The following NUP98 variants were observed in gnomAD, a reference collection of about 807,000 sequenced individuals.
The protein encoded by NUP98 is nucleoporin 98 and 96 precursor, also known as nuclear pore complex protein Nup98-Nup96.
NUP98 carries 26 observed loss-of-function variants against 191.9 expected under a neutral mutation model. The observed-to-expected ratio is 0.14, with a 90% confidence interval of 0.10 to 0.19. The LOEUF (loss-of-function observed/expected upper bound fraction) is 0.19, where lower values mean the gene tolerates loss of function less well. NUP98 is among the 10% of genes least tolerant of loss of function. NUP98 has a pLI of 1.00. For synonymous variants in NUP98, 808 were observed against 778.4 expected (o/e 1.04, Z -0.63); for missense variants, 1,941 against 2,178.8 (o/e 0.89, Z 2.17).
intron 26 of NUP98, among the ~76,000 whole-genome samples, chr11:3,693,819 AT>A (rs1198624942): frequency 6.6e-6 from 1 of 152,240 alleles, no homozygotes; most frequent in Non-Finnish European, 1.5e-5. Flanking sequence ...GACCAGCTAC[AT>A]TTTTATTTCT....
intron 20 of NUP98, chr11:3,712,049 A>C (rs1025389487): frequency 1.8e-5 from 19 of 1,049,508 alleles, no homozygotes; most frequent in Non-Finnish European, 3.5e-6. Flanking sequence ...TACATTCCCA[A>C]ACTATTTTTC....
At chr11:3,701,550 C>A (rs532591460) in intron 23 of NUP98, among the ~76,000 whole-genome samples, 45 of 152,084 alleles carry the variant, frequency 3.0e-4, no homozygotes, top group African/African-American at 1.1e-3. Context: ...TACCCGGCCC[C>A]TTGATCTAAT....
chr11:3,749,310 G>A (rs1371842797), intron 11 of NUP98, among the ~76,000 whole-genome samples: 4 of 143,758 alleles, frequency 2.8e-5, no homozygotes, highest in Non-Finnish European at 3.0e-5. Context: ...GCGAGACTCC[G>A]TCTCAAAAAA....
intron 1 of NUP98, among the ~76,000 whole-genome samples, chr11:3,787,654 G>A (rs1324016617): frequency 6.6e-6 from 1 of 151,474 alleles, no homozygotes; most frequent in East Asian, 2.0e-4. Context: ...AGCCTCACCT[G>A]CTTTCACAAG....
chr11:3,731,217 T>TCATG (rs1253790522), intron 14 of NUP98, among the ~76,000 whole-genome samples, 174 bp downstream of exon 14: 2 of 152,184 alleles, frequency 1.3e-5, no homozygotes, highest in Non-Finnish European at 2.9e-5. Flanking sequence ...TGAGCAAAGA[T>TCATG]CATGCCATTG....
intron 10 of NUP98, among the ~76,000 whole-genome samples, chr11:3,759,076 G>A (rs1409367688): frequency 4.6e-5 from 7 of 152,000 alleles, no homozygotes; most frequent in Admixed American, 6.6e-5. Flanking sequence ...GTACAGGATC[G>A]TTCAAAAGCT....
chr11:3,791,268 C>T (rs1459225690), intron 1 of NUP98, among the ~76,000 whole-genome samples: 2 of 151,860 alleles, frequency 1.3e-5, no homozygotes, highest in South Asian at 2.1e-4. Context: ...CATGGTGGCT[C>T]ACACCTGTAA....
Position 3,720,629 on chromosome 11 carries a change from T to C in NUP98, c.2260+83A>G, listed in dbSNP as rs143535110. ...GGGCCCAAATGTAGGAAAATGAAGA[T>C]TCAGCTATCAAAAGCTTCCCCTAAT... On this transcript the variant is annotated intron_variant, in intron 17 of 32. Coordinates refer to ENST00000324932, the MANE Select transcript of NUP98 (RefSeq NM_016320.5). The C allele has an allele frequency of 7.8e-4, 527 of 673,424 alleles. 4 individuals carry two copies. The African/African-American group carries it at 8.8e-3, about 11-fold the overall frequency. 41.7% of individuals were successfully genotyped at this position (673,424 alleles called of 1,614,324 possible). A position where few individuals can be genotyped will look rare whatever the true frequency, so the allele number is the denominator to read the frequency against.
intron 14 of NUP98, among the ~76,000 whole-genome samples, chr11:3,730,628 T>C (rs369302670): frequency 5.3e-5 from 8 of 152,276 alleles, no homozygotes; most frequent in African/African-American, 1.7e-4. Flanking sequence ...CCAGCCAAAG[T>C]GCTGGGATTA....
intron 1 of NUP98, among the ~76,000 whole-genome samples, 162 bp downstream of exon 1, chr11:3,797,238 C>G (rs1590021101): frequency 6.6e-6 from 1 of 152,398 alleles, no homozygotes; most frequent in South Asian, 2.1e-4. Context: ...GGGCTCCGGG[C>G]CCCCGGGTCC....
chr11:3,758,452 C>T (rs2599737), intron 10 of NUP98, among the ~76,000 whole-genome samples: 78,903 of 152,046 alleles, frequency 0.52, 20,855 homozygotes, highest in African/African-American at 0.61. Flanking sequence ...GAAACGCTAA[C>T]TGACCCTTAA....
rs577072409 is a variant in NUP98, at chr11:3,792,104, G to A, written c.-29+5296C>T. Reference sequence around the variant, plus strand: ...TGAGGCAGGAGAATGGCGTGAACCCGGGAAGTGGAGCTTGCAATAAGCCGA... The same window carrying A: ...TGAGGCAGGAGAATGGCGTGAACCCAGGAAGTGGAGCTTGCAATAAGCCGA... On this transcript the variant is annotated intron_variant, in intron 1 of 32. Coordinates refer to ENST00000324932, the MANE Select transcript of NUP98 (RefSeq NM_016320.5). 2.1e-4 allele frequency among the ~76,000 whole-genome samples: 30 copies of A among 142,136 alleles called. 1 individual carries two copies. The South Asian group carries it at 4.9e-3, about 23-fold the overall frequency. 93.2% of individuals were successfully genotyped at this position (142,136 alleles called of 152,430 possible). A position where few individuals can be genotyped will look rare whatever the true frequency, so the allele number is the denominator to read the frequency against.
chr11:3,707,356 AACAC>A (rs763004216), intron 20 of NUP98, among the ~76,000 whole-genome samples: 24 of 152,186 alleles, frequency 1.6e-4, no homozygotes, highest in Non-Finnish European at 2.8e-4. Flanking sequence ...TCAAAGCTGA[AACAC>A]ACTGTAAATT....
Position 3,675,975 on chromosome 11 carries a change from CT to C in NUP98, c.*183del, listed in dbSNP as rs1340464845. The C allele has an allele frequency of 3.3e-6, 2 of 604,226 alleles. No individual in the cohort carries two copies. The highest frequency in any genetic ancestry group is 5.9e-6 in the Non-Finnish European group (2 of 341,228). The allele number at this position is 604,226 out of a possible 1,614,324, so 37.4% of individuals were successfully genotyped here. A position where few individuals can be genotyped will look rare whatever the true frequency, so the allele number is the denominator to read the frequency against. On this transcript the variant is annotated 3_prime_UTR_variant, in exon 33 of 33. Coordinates refer to ENST00000324932, the MANE Select transcript of NUP98 (RefSeq NM_016320.5). ...TCTCCTCTTCTGGGTTCCAGAAGCCCTTATGCTACGTTCAGTATTAAGAAAA... is the reference window on the plus strand; with the variant it reads ...TCTCCTCTTCTGGGTTCCAGAAGCCCTATGCTACGTTCAGTATTAAGAAAA...
At chr11:3,736,518 G>A (rs1413692656) in intron 12 of NUP98, among the ~76,000 whole-genome samples, 1 of 152,074 alleles carries the variant, frequency 6.6e-6, no homozygotes, top group Non-Finnish European at 1.5e-5. Flanking sequence ...TTAGCTGGGC[G>A]TGGGGGCGCA....
intron 3 of NUP98, 47 bp downstream of exon 3, chr11:3,779,109 T>C (rs781693487): frequency 1.2e-5 from 20 of 1,612,688 alleles, no homozygotes; most frequent in Admixed American, 8.3e-5. Flanking sequence ...AGTCAATTCC[T>C]ATACTAGCTA....
intron 14 of NUP98, among the ~76,000 whole-genome samples, chr11:3,726,045 G>C (rs956283756): frequency 3.3e-5 from 5 of 152,134 alleles, no homozygotes; most frequent in Non-Finnish European, 2.9e-5. Context: ...TTAGCCTAAT[G>C]TAAGAGCACT....
At chr11:3,761,282 A>C (rs1375236073) in intron 9 of NUP98, among the ~76,000 whole-genome samples, 3 of 152,170 alleles carry the variant, frequency 2.0e-5, no homozygotes, top group Non-Finnish European at 4.4e-5. Flanking sequence ...ATACACTTTA[A>C]AGAGACAAAT....
chr11:3,731,696 G>GT lies in NUP98; in HGVS notation c.1543-119dup, dbSNP rs1488300799. 3 of 627,842 alleles carry GT rather than the reference G, an allele frequency of 4.8e-6. No individual in the cohort carries two copies. In the African/African-American group the frequency reaches 5.6e-5, roughly 12 times the overall value. The allele number at this position is 627,842 out of a possible 1,614,324, so 38.9% of individuals were successfully genotyped here. A position where few individuals can be genotyped will look rare whatever the true frequency, so the allele number is the denominator to read the frequency against. On this transcript the variant is annotated intron_variant, in intron 13 of 32. Coordinates refer to ENST00000324932, the MANE Select transcript of NUP98 (RefSeq NM_016320.5). The stretch of plus-strand genomic sequence containing the variant: ...TTTGTCATTCACCTGCTAGATACCT[G>GT]TTGAAGTCTCTGTTCCCATAAAACA...
Sources: gnomAD v4.1 joint callset for allele counts (sites outside exome capture counted in the v4.1 genomes callset) on GRCh38, gnomAD v4.1.1 for gene constraint, MANE v1.5 for transcripts, NCBI Gene and HGNC (gene_info 2026-07-23, HGNC 2026-07-21) for gene names.